The following EBF2 variants were observed in gnomAD, a reference collection of about 807,000 sequenced individuals.
EBF2 encodes the protein transcription factor COE2.
In EBF2, 21 loss-of-function variants were observed where a neutral mutation model predicts 72.8. The observed-to-expected ratio is 0.29, with a 90% CI of 0.20 to 0.42. The LOEUF is 0.42. Ranked by LOEUF, EBF2 falls within the 10% of genes least tolerant of loss-of-function variation. The pLI, the probability that EBF2 is intolerant of heterozygous loss-of-function variation, is 1.00. For missense variants in EBF2, 637 were observed against 731.2 expected (o/e 0.87, Z 1.49); for synonymous variants, 299 against 274.2 (o/e 1.09, Z -0.89).
At chr8:25,944,558 A>C (rs1803732799) in intron 6 of EBF2, among the ~76,000 whole-genome samples, 1 of 149,492 alleles carries the variant, frequency 6.7e-6, no homozygotes, top group Non-Finnish European at 1.5e-5. Flanking sequence ...TATATACACA[A>C]TTATTTATAT....
At chr8:26,016,996 T>G (rs1261351462) in intron 6 of EBF2, among the ~76,000 whole-genome samples, 1 of 152,102 alleles carries the variant, frequency 6.6e-6, no homozygotes, top group Admixed American at 6.6e-5. Flanking sequence ...GAGAACCAGA[T>G]GTCTAGAAGG....
rs763671848 is a variant in EBF2 at position 26,033,076 on chromosome 8, T to C, written c.551+9A>G. 3.1e-6 allele frequency: 5 copies of C among 1,613,524 alleles called. No individual in the cohort carries two copies. Among genetic ancestry groups the C allele is most frequent in the Admixed American group, 1.7e-5 (1 of 59,992 alleles). Reference sequence around the variant, plus strand: ...CAAAAATGATTGAAAAATCACTTTTTCCCCCTACCTGTCAATTATGACTGG... The same window carrying C: ...CAAAAATGATTGAAAAATCACTTTTCCCCCCTACCTGTCAATTATGACTGG... On this transcript the variant is annotated intron_variant, in intron 6 of 15. Coordinates refer to ENST00000520164, the MANE Select transcript of EBF2 (RefSeq NM_022659.4).
At chr8:25,850,468 A>G (rs931696700) in intron 15 of EBF2, 126 bp downstream of exon 15, 1 of 1,201,210 alleles carries the variant, frequency 8.3e-7, no homozygotes, top group Non-Finnish European at 1.1e-6. Flanking sequence ...TTCATGTCCC[A>G]TGATAAGAAC....
chr8:26,041,935 C>T (rs1285304714), intron 2 of EBF2, among the ~76,000 whole-genome samples, 160 bp downstream of exon 2: 1 of 152,044 alleles, frequency 6.6e-6, no homozygotes, highest in African/African-American at 2.4e-5. Flanking sequence ...GGAGGAGGTT[C>T]GGGAAATCGA....
rs866035266 is a variant in EBF2, at chr8:26,013,962, G to A, written c.551+19123C>T. Among the ~76,000 whole-genome samples the A allele has an allele frequency of 1.1e-4, 17 of 152,084 alleles. 1 individual carries two copies. Among genetic ancestry groups the A allele is most frequent in the Middle Eastern group, 3.4e-3 (1 of 294 alleles). The stretch of plus-strand genomic sequence containing the variant: ...GTCAGACACCACTACAGACAATACT[G>A]GGCCCACCAAAACCCAAGCTCTTCC... On this transcript the variant is annotated intron_variant, in intron 6 of 15. Transcript: ENST00000520164.
chr8:25,911,184 C>A (rs1393699897), intron 6 of EBF2, among the ~76,000 whole-genome samples: 2 of 152,158 alleles, frequency 1.3e-5, no homozygotes, highest in African/African-American at 4.8e-5. Flanking sequence ...GAAGCCAGAG[C>A]TGCCTGGAAA....
intron 6 of EBF2, among the ~76,000 whole-genome samples, chr8:26,017,855 G>T (rs962292503): frequency 4.6e-5 from 7 of 152,120 alleles, no homozygotes; most frequent in African/African-American, 1.7e-4. Context: ...GCCACCTCTC[G>T]ACAAAAACGC....
At chr8:25,983,823 G>A (rs1281706047) in intron 6 of EBF2, among the ~76,000 whole-genome samples, 1 of 152,242 alleles carries the variant, frequency 6.6e-6, no homozygotes, top group Non-Finnish European at 1.5e-5. Context: ...GGACTTCACC[G>A]CTTGGTATCA....
At chr8:25,987,015 C>T (rs1473661458) in intron 6 of EBF2, among the ~76,000 whole-genome samples, 2 of 151,732 alleles carry the variant, frequency 1.3e-5, no homozygotes, top group Non-Finnish European at 2.9e-5. Flanking sequence ...GAGCACAACC[C>T]CAAAGCCACT....
intron 6 of EBF2, among the ~76,000 whole-genome samples, chr8:25,942,383 G>A (rs1424969521): frequency 6.6e-6 from 1 of 152,256 alleles, no homozygotes; most frequent in Non-Finnish European, 1.5e-5. Context: ...AAAGTCTTCA[G>A]GCTGCAGAGT....
chr8:25,861,272 G>A, intron 12 of EBF2, 37 bp downstream of exon 12: 1 of 1,613,910 alleles, frequency 6.2e-7, no homozygotes, highest in Non-Finnish European at 8.5e-7. Flanking sequence ...AGCATAAAGT[G>A]CAAAACTCAA....
intron 6 of EBF2, among the ~76,000 whole-genome samples, chr8:25,965,997 T>C (rs1804108926): frequency 2.0e-5 from 3 of 152,130 alleles, no homozygotes; most frequent in Non-Finnish European, 2.9e-5. Context: ...CTCACCCAAC[T>C]GATCATTTGG....
chr8:25,891,381 A>G (rs1802776872), intron 7 of EBF2, among the ~76,000 whole-genome samples: 1 of 151,346 alleles, frequency 6.6e-6, no homozygotes, highest in African/African-American at 2.4e-5. Flanking sequence ...TATTATTGAG[A>G]AAAAAAAAGA....
intron 6 of EBF2, among the ~76,000 whole-genome samples, chr8:25,969,814 C>T (rs1292308733): frequency 1.3e-5 from 2 of 152,168 alleles, no homozygotes; most frequent in Admixed American, 1.3e-4. Context: ...AAGCAACCCT[C>T]CCACTTCAGC....
chr8:25,970,732 C>T (rs1374113268), intron 6 of EBF2, among the ~76,000 whole-genome samples: 2 of 152,172 alleles, frequency 1.3e-5, no homozygotes, highest in Non-Finnish European at 2.9e-5. Context: ...TTTCTATCAC[C>T]CCTTACTTCC....
chr8:25,873,035 C>G (rs940029117), intron 10 of EBF2, among the ~76,000 whole-genome samples: 1 of 152,230 alleles, frequency 6.6e-6, no homozygotes, highest in African/African-American at 2.4e-5. Flanking sequence ...CCTTCTCTCT[C>G]CCTCGTCCTT....
chr8:25,980,753 C>T (rs561916634), intron 6 of EBF2, among the ~76,000 whole-genome samples: 49 of 133,088 alleles, frequency 3.7e-4, no homozygotes, highest in African/African-American at 1.5e-3. Flanking sequence ...GACCGATGAC[C>T]TTTGACTTGC....
chr8:25,905,718 G>T (rs1308627003), intron 7 of EBF2, among the ~76,000 whole-genome samples: 2 of 152,176 alleles, frequency 1.3e-5, no homozygotes, highest in African/African-American at 4.8e-5. Context: ...TTCTTCTTGG[G>T]ATAATAGAAA....
chr8:25,968,219 A>C (rs1187021342), intron 6 of EBF2, among the ~76,000 whole-genome samples: 1 of 152,128 alleles, frequency 6.6e-6, no homozygotes, highest in Non-Finnish European at 1.5e-5. Context: ...GCAGGGTTTG[A>C]AGAGTAATTT....
Sources: allele counts gnomAD v4.1 joint callset (sites outside exome capture counted in the v4.1 genomes callset), GRCh38; gene constraint gnomAD v4.1.1; transcripts MANE v1.5; gene names NCBI Gene and HGNC (gene_info 2026-07-23, HGNC 2026-07-21).